Variants in CSMD1 observed in about 807,000 individuals in gnomAD.
CSMD1 encodes CUB and sushi domain-containing protein 1.
A neutral mutation model predicts 417.5 loss-of-function variants in CSMD1; 213 were observed. That is an observed-to-expected ratio of 0.51 (90% confidence interval 0.46 to 0.57). The LOEUF (loss-of-function observed/expected upper bound fraction) is 0.57, where lower values mean the gene tolerates loss of function less well. Among genes scored for constraint, CSMD1 ranks in the 20% least tolerant of loss-of-function variants. CSMD1 has a pLI of 0.00. For missense variants in CSMD1, 6,923 were observed against 4,529.7 expected (o/e 1.53, Z -15.17); for synonymous variants, 2,862 against 1,736.8 (o/e 1.65, Z -16.11).
intron 51 of CSMD1, among the ~76,000 whole-genome samples, chr8:3,024,558 T>C (rs916240547): frequency 1.3e-5 from 2 of 152,206 alleles, no homozygotes; most frequent in Non-Finnish European, 2.9e-5. Flanking sequence ...CCACTCGCCT[T>C]GGCCTCCCAA....
intron 49 of CSMD1, among the ~76,000 whole-genome samples, chr8:3,071,725 C>T (rs959545180): frequency 3.9e-5 from 6 of 152,150 alleles, no homozygotes; most frequent in African/African-American, 1.4e-4. Context: ...ACCATTACAG[C>T]CACTAATTCA....
At chr8:3,342,891 A>ATGTGTGTGTG (rs757003156) in intron 23 of CSMD1, among the ~76,000 whole-genome samples, 1,258 of 72,262 alleles carry the variant, frequency 0.017, 12 homozygotes, top group Non-Finnish European at 0.022. Context: ...GTATAAATAT[A>ATGTGTGTGTG]TGTGTGTATG....
chr8:4,792,584 G>A lies in CSMD1; in HGVS notation c.86-155026C>T, dbSNP rs75450164. Among the ~76,000 whole-genome samples, 738 of 152,242 alleles carry A rather than the reference G, an allele frequency of 4.8e-3. 9 individuals carry two copies. The highest frequency in any genetic ancestry group is 0.017 in the African/African-American group (721 of 41,542). ...ACTCAACAGTTGTCAGCACGTCCAT[G>A]CAAGAAACTGTTGAATAGAGTCTCT... On this transcript the variant is annotated intron_variant, in intron 1 of 69. Transcript: ENST00000635120.
intron 2 of CSMD1, among the ~76,000 whole-genome samples, chr8:4,538,702 G>T (rs1797231907): frequency 6.6e-6 from 1 of 152,146 alleles, no homozygotes; most frequent in Non-Finnish European, 1.5e-5. Context: ...ACCTGGATAA[G>T]ACACTTGTCA....
chr8:3,490,972 A>C (rs537623013), intron 11 of CSMD1, among the ~76,000 whole-genome samples: 2 of 152,308 alleles, frequency 1.3e-5, no homozygotes, highest in East Asian at 3.9e-4. Context: ...GGTTTATATA[A>C]ATTTTCAGGG....
intron 5 of CSMD1, among the ~76,000 whole-genome samples, chr8:3,872,812 T>C (rs1484425726): frequency 8.8e-5 from 13 of 148,510 alleles, no homozygotes; most frequent in Non-Finnish European, 1.9e-4. Context: ...TGTAAGCAAC[T>C]TAAACAAATT....
At chr8:3,956,739 G>A (rs1486126330) in intron 5 of CSMD1, among the ~76,000 whole-genome samples, 35 of 152,036 alleles carry the variant, frequency 2.3e-4, no homozygotes, top group Non-Finnish European at 1.3e-4. Context: ...TGGGCTGAAC[G>A]TTCTTTAGCC....
chr8:4,978,875 T>TGCAC (rs34396980), intron 1 of CSMD1, among the ~76,000 whole-genome samples: 38,798 of 151,754 alleles, frequency 0.26, 6,236 homozygotes, highest in Non-Finnish European at 0.37. Context: ...GAGGCGGAGG[T>TGCAC]TGCAGTGAGC....
chr8:3,634,342 C>A (rs1796928629), intron 7 of CSMD1, among the ~76,000 whole-genome samples: 1 of 152,160 alleles, frequency 6.6e-6, no homozygotes, highest in South Asian at 2.1e-4. Flanking sequence ...GCCTGTGTGA[C>A]ACTCTGTGAC....
intron 26 of CSMD1, among the ~76,000 whole-genome samples, chr8:3,265,634 G>C (rs1031956456): frequency 2.0e-5 from 3 of 152,212 alleles, no homozygotes; most frequent in Admixed American, 6.5e-5. Context: ...AGTGAAGGTG[G>C]AGAAGCCCAG....
intron 1 of CSMD1, among the ~76,000 whole-genome samples, chr8:4,656,980 G>C (rs958206704): frequency 4.6e-5 from 7 of 152,170 alleles, no homozygotes; most frequent in Non-Finnish European, 7.4e-5. Context: ...TGAGGCACAA[G>C]AGATGGACGA....
chr8:4,067,112 T>G (rs1161910278), intron 3 of CSMD1, among the ~76,000 whole-genome samples: 1 of 152,222 alleles, frequency 6.6e-6, no homozygotes, highest in Admixed American at 6.5e-5. Flanking sequence ...TTTCCTCAAA[T>G]GTGTTTCCAC....
intron 21 of CSMD1, among the ~76,000 whole-genome samples, chr8:3,349,615 A>C (rs905107687): frequency 4.0e-5 from 6 of 151,664 alleles, no homozygotes; most frequent in Non-Finnish European, 7.4e-5. Context: ...TCATTTTAAG[A>C]AATTACAGTA....
intron 10 of CSMD1, among the ~76,000 whole-genome samples, chr8:3,570,871 T>G (rs1185418762): frequency 6.6e-6 from 1 of 152,192 alleles, no homozygotes; most frequent in African/African-American, 2.4e-5. Flanking sequence ...AGTAAAAGGT[T>G]TAAACAATAG....
intron 4 of CSMD1, among the ~76,000 whole-genome samples, chr8:4,023,929 C>G (rs1163403991): frequency 1.3e-5 from 2 of 151,722 alleles, no homozygotes; most frequent in African/African-American, 2.4e-5. Context: ...TGCTTTTCAA[C>G]TTTTACAAGC....
At chr8:3,098,694 T>A (rs1359385879) in intron 46 of CSMD1, among the ~76,000 whole-genome samples, 1 of 152,158 alleles carries the variant, frequency 6.6e-6, no homozygotes, top group East Asian at 1.9e-4. Flanking sequence ...AATGTGATAT[T>A]TTAAGAAAGA....
chr8:3,799,353 C>G (rs1048354054), intron 5 of CSMD1, among the ~76,000 whole-genome samples: 3 of 149,368 alleles, frequency 2.0e-5, no homozygotes, highest in African/African-American at 4.9e-5. Context: ...CCCATTAACT[C>G]GTCAATTGCA....
At chr8:4,583,288 G>A (rs1236860812) in intron 2 of CSMD1, among the ~76,000 whole-genome samples, 5 of 152,202 alleles carry the variant, frequency 3.3e-5, no homozygotes, top group African/African-American at 7.2e-5. Context: ...AGCCAGCTGC[G>A]CTCCTGAGTC....
chr8:4,070,567 C>G (rs979018928), intron 3 of CSMD1, among the ~76,000 whole-genome samples: 5 of 152,120 alleles, frequency 3.3e-5, no homozygotes, highest in African/African-American at 9.7e-5. Flanking sequence ...CCGTGTTAGC[C>G]AGGATGGTCT....
Sources: gnomAD v4.1 joint callset for allele counts (sites outside exome capture counted in the v4.1 genomes callset) on GRCh38, gnomAD v4.1.1 for gene constraint, MANE v1.5 for transcripts, NCBI Gene and HGNC (gene_info 2026-07-23, HGNC 2026-07-21) for gene names.